LY75: variants seen among roughly 807,000 people sequenced by gnomAD.
LY75 encodes the protein C-type lectin domain family 13 member B.
LY75 carries 185 observed loss-of-function variants against 231.7 expected under a neutral mutation model. That is an observed-to-expected ratio of 0.80 (90% confidence interval 0.71 to 0.90). LY75 has a LOEUF of 0.90. Among genes scored for constraint, LY75 ranks in the 40% least tolerant of loss-of-function variants. The pLI is 0.00. For missense variants in LY75, 1,947 were observed against 2,050.2 expected, an observed-to-expected ratio of 0.95 and a Z score of 0.97; for synonymous variants, 668 against 689.0, an observed-to-expected ratio of 0.97 and a Z score of 0.48.
chr2:159,885,036 T>C, intron 6 of LY75, 117 bp downstream of exon 6: 1 of 1,379,348 alleles, frequency 7.2e-7, no homozygotes, highest in Admixed American at 2.3e-5. Context: ...TTTTCTGTAC[T>C]GTCAGTATCA....
intron 33 of LY75, 135 bp from the exon 34 acceptor site, chr2:159,807,275 GA>G: frequency 3.6e-6 from 4 of 1,105,182 alleles, no homozygotes; most frequent in Non-Finnish European, 5.0e-6. Flanking sequence ...CATTAAAAAT[GA>G]AAAAAATAAA....
In LY75 at chr2:159,854,460, T is replaced by C. The variant is rs1684489265; in HGVS notation, c.2495A>G (p.Asn832Ser). 3 of 1,613,396 alleles carry C rather than the reference T, an allele frequency of 1.9e-6. No homozygotes were observed. The highest frequency in any genetic ancestry group is 2.2e-5 in the East Asian group (1 of 44,886). ...ACAGTACAGGACGGCTTCTTCATAGTTTAGGTGAAGATCAGCAACAAACCA... is the reference window on the plus strand; with the variant it reads ...ACAGTACAGGACGGCTTCTTCATAGCTTAGGTGAAGATCAGCAACAAACCA... The part of the protein sequence containing the change: ...EYWFVADLHL[N>S]YEEAVLYCAS... The change falls in exon 18 of 35, where the codon AAC becomes AGC. Residue 832 changes from asparagine to serine, a missense_variant. Physicochemically the swap from Asn to Ser is conservative, Grantham distance 46 (BLOSUM62 1). Coordinates refer to ENST00000263636, the MANE Select transcript of LY75 (RefSeq NM_002349.4).
chr2:159,811,089 G>A (rs1170320361), intron 31 of LY75, among the ~76,000 whole-genome samples: 1 of 151,984 alleles, frequency 6.6e-6, no homozygotes, highest in East Asian at 1.9e-4. Flanking sequence ...TGGCCAGGCT[G>A]GTTTCAAACT....
intron 6 of LY75, among the ~76,000 whole-genome samples, chr2:159,884,286 G>A (rs1041662424): frequency 1.3e-5 from 2 of 152,062 alleles, no homozygotes; most frequent in Non-Finnish European, 2.9e-5. Flanking sequence ...GCATGAAAAC[G>A]GATGAATACA....
intron 7 of LY75, 73 bp from the exon 8 acceptor site, chr2:159,881,313 T>G: frequency 6.8e-7 from 1 of 1,470,326 alleles, no homozygotes; most frequent in Middle Eastern, 2.2e-4. Context: ...TTATACAAAT[T>G]TTTATATTCT....
At chr2:159,826,413 C>T (rs1683469397) in intron 28 of LY75, among the ~76,000 whole-genome samples, 1 of 148,270 alleles carries the variant, frequency 6.7e-6, no homozygotes, top group African/African-American at 2.7e-5. Flanking sequence ...TGTGAAGGAC[C>T]TCTTCAAGGA....
At chr2:159,895,715 C>T (rs539113315) in intron 2 of LY75, among the ~76,000 whole-genome samples, 4 of 152,302 alleles carry the variant, frequency 2.6e-5, no homozygotes, top group South Asian at 2.1e-4. Flanking sequence ...GTGACATCAG[C>T]GGGTGCCTTC....
At chr2:159,884,295 C>T (rs1490307785) in intron 6 of LY75, among the ~76,000 whole-genome samples, 1 of 152,170 alleles carries the variant, frequency 6.6e-6, no homozygotes, top group African/African-American at 2.4e-5. Context: ...CGGATGAATA[C>T]ATCCCTCCAG....
At chr2:159,904,342 T>C (rs1410703436) in intron 1 of LY75, among the ~76,000 whole-genome samples, 1 of 152,204 alleles carries the variant, frequency 6.6e-6, no homozygotes, top group East Asian at 1.9e-4. Flanking sequence ...CCGCGTCCCC[T>C]CTGCACCAGA....
Position 159,804,819 on chromosome 2 carries a change from C to A in LY75, c.*225G>T, listed in dbSNP as rs1682747622. Reference sequence around the variant, plus strand: ...CATATTACTGTACAAACAATTTGGACTTCAGTTCCAGCTTTGGAGTCCCCT... The same window carrying A: ...CATATTACTGTACAAACAATTTGGAATTCAGTTCCAGCTTTGGAGTCCCCT... On this transcript the variant is annotated 3_prime_UTR_variant, in exon 35 of 35. Coordinates refer to ENST00000263636, the MANE Select transcript of LY75 (RefSeq NM_002349.4). 4 of 369,474 alleles carry A rather than the reference C, an allele frequency of 1.1e-5. No individual in the cohort carries two copies. The highest frequency in any genetic ancestry group is 1.5e-5 in the Non-Finnish European group (3 of 199,380). The allele number at this position is 369,474 out of a possible 1,614,324, so 22.9% of individuals were successfully genotyped here.
intron 11 of LY75, among the ~76,000 whole-genome samples, chr2:159,876,682 C>T (rs1434843313): frequency 2.0e-5 from 3 of 151,980 alleles, no homozygotes; most frequent in Admixed American, 2.0e-4. Flanking sequence ...ACTTAGTTAT[C>T]AAGAACGTCA....
At chr2:159,811,317 T>G (rs1682954911) in intron 31 of LY75, among the ~76,000 whole-genome samples, 1 of 152,196 alleles carries the variant, frequency 6.6e-6, no homozygotes, top group Non-Finnish European at 1.5e-5. Context: ...AAAAAAAGAC[T>G]AGGAGTGGCT....
chr2:159,828,206 T>TATTTTATATAA (rs139012450), intron 28 of LY75, among the ~76,000 whole-genome samples: 59,612 of 148,220 alleles, frequency 0.4, 13,692 homozygotes, highest in Non-Finnish European at 0.52. Flanking sequence ...TAAAATTTTA[T>TATTTTATATAA]ATTTTATATA....
intron 1 of LY75, among the ~76,000 whole-genome samples, chr2:159,904,126 T>C (rs1227141795): frequency 6.6e-6 from 1 of 152,162 alleles, no homozygotes; most frequent in African/African-American, 2.4e-5. Flanking sequence ...CCGGGAATCG[T>C]GGGGAATCCT....
chr2:159,805,053 G>A lies in LY75; in HGVS notation c.5160C>T (p.Phe1720=), dbSNP rs200168064. 20 of 1,612,964 alleles carry A rather than the reference G, an allele frequency of 1.2e-5. No individual in the cohort carries two copies. The Admixed American group carries it at 2.8e-4, about 23-fold the overall frequency. Residue 1720 remains phenylalanine (F), a synonymous_variant, in exon 35 of 35, where the codon TTC becomes TTT. Transcript: ENST00000263636. Reference sequence around the variant, plus strand: ...AAACTTTTAGAAGAATTTAGTCATGGAAAGAAGGAAGCATAATCTCATCTT... The same window carrying A: ...AAACTTTTAGAAGAATTTAGTCATGAAAAGAAGGAAGCATAATCTCATCTT... ...VNEDEIMLPS[F]HD
Position 159,886,414 on chromosome 2 carries a change from A to C in LY75, c.913+6T>G. 1 of 1,605,364 alleles carries C rather than the reference A, an allele frequency of 6.2e-7. No homozygotes were observed. Among genetic ancestry groups the C allele is most frequent in the Non-Finnish European group, 8.5e-7 (1 of 1,175,142 alleles). ...TGTGCAGAGGGGGTAGGGAAAGAGC[A>C]GTTACCTGGATCCCAGTTGAGAAAG... On this transcript the variant is annotated splice_donor_region_variant and intron_variant, in intron 5 of 34. Transcript: ENST00000263636.
intron 16 of LY75, among the ~76,000 whole-genome samples, chr2:159,856,029 CAT>C (rs1684541489): frequency 6.6e-6 from 1 of 152,132 alleles, no homozygotes; most frequent in Non-Finnish European, 1.5e-5. Context: ...TCAAAATGTA[CAT>C]AGTTTCTTGT....
intron 12 of LY75, among the ~76,000 whole-genome samples, chr2:159,874,238 T>TATATATTGTAAACATATATAA (rs1685125839): frequency 1.1e-5 from 1 of 90,954 alleles, no homozygotes; most frequent in African/African-American, 3.8e-5. Flanking sequence ...ATTGTAAATA[T>TATATATTGTAAACATATATAA]ATATATTGTA....
In LY75 at chr2:159,850,151, G is replaced by A. The variant is rs765737490; in HGVS notation, c.2990-11C>T. On this transcript the variant is annotated splice_polypyrimidine_tract_variant and intron_variant, in intron 22 of 34. Transcript: ENST00000263636. The stretch of plus-strand genomic sequence containing the variant: ...AGGATGTAATAAAGTCTGTTAGAAA[G>A]AGATTTTTAAAAAGCATTTGATTTA... The A allele has an allele frequency of 4.4e-6, 7 of 1,588,376 alleles. No homozygotes were observed. In the African/African-American group the frequency reaches 9.6e-5, roughly 22 times the overall value.
Sources: allele counts gnomAD v4.1 joint callset (sites outside exome capture counted in the v4.1 genomes callset), GRCh38; gene constraint gnomAD v4.1.1; transcripts MANE v1.5; gene names NCBI Gene and HGNC (gene_info 2026-07-23, HGNC 2026-07-21).